Variants in SLC38A6 observed in about 807,000 individuals in gnomAD.
SLC38A6 encodes the protein N system amino acid transporter NAT-1.
A neutral mutation model predicts 65.0 loss-of-function variants in SLC38A6; 73 were observed. That is an observed-to-expected ratio of 1.12 (90% CI 0.93 to 1.37). SLC38A6 has a LOEUF of 1.37. Ranked by LOEUF, SLC38A6 falls within the 40% of genes most tolerant of loss-of-function variation. The probability of loss-of-function intolerance (pLI) is 0.00; values close to 1 mark genes in which losing one functional copy is unlikely to be tolerated. For missense variants in SLC38A6, 561 were observed against 531.1 expected, an observed-to-expected ratio of 1.06 and a Z score of -0.55; for synonymous variants, 183 against 178.8, an observed-to-expected ratio of 1.02 and a Z score of -0.19.
chr14:61,004,322 A>G (rs2038925177), intron 3 of SLC38A6: 2 of 152,250 alleles, frequency 1.3e-5, no homozygotes, highest in Admixed American at 6.5e-5. Context: ...TACCTTGATG[A>G]CTTGCTCACT....
chr14:61,038,491 C>T (rs1468837666), intron 8 of SLC38A6, among the ~76,000 whole-genome samples: 1 of 152,018 alleles, frequency 6.6e-6, no homozygotes, highest in East Asian at 1.9e-4. Context: ...ATATACATGT[C>T]CAAATGAGCT....
At chr14:60,984,066 G>A (rs914016121) in intron 2 of SLC38A6, among the ~76,000 whole-genome samples, 1 of 152,124 alleles carries the variant, frequency 6.6e-6, no homozygotes, top group African/African-American at 2.4e-5. Flanking sequence ...TCCTGCTGGT[G>A]TCTTCCTAAA....
chr14:61,005,622 G>C (rs542455221), intron 3 of SLC38A6, among the ~76,000 whole-genome samples: 19 of 152,182 alleles, frequency 1.2e-4, no homozygotes, highest in Admixed American at 3.3e-4. Context: ...ATCCAACTTA[G>C]AAGGGATGTG....
At position 60,981,699 on chromosome 14, in the gene SLC38A6, T is replaced by A. The variant is rs535771574; in HGVS notation, c.105+317T>A. ...ATGTACTCACTGCTGTTAGTTAGTATTTTTGTCACCTTATTTTCTCCACCA... is the reference window on the plus strand; with the variant it reads ...ATGTACTCACTGCTGTTAGTTAGTAATTTTGTCACCTTATTTTCTCCACCA... On this transcript the variant is annotated intron_variant, in intron 1 of 15. Coordinates refer to ENST00000267488, the MANE Select transcript of SLC38A6 (RefSeq NM_153811.3). 4 of 1,345,684 alleles carry A rather than the reference T, an allele frequency of 3.0e-6. No individual in the cohort carries two copies. In the South Asian group the frequency reaches 4.9e-5, roughly 17 times the overall value. 83.4% of individuals were successfully genotyped at this position (1,345,684 alleles called of 1,614,324 possible).
chr14:61,067,872 C>T (rs1172966423), intron 15 of SLC38A6, among the ~76,000 whole-genome samples: 2 of 152,016 alleles, frequency 1.3e-5, no homozygotes, highest in South Asian at 2.1e-4. Flanking sequence ...GTCACCATTC[C>T]CGCTTTTGTG....
intron 3 of SLC38A6, among the ~76,000 whole-genome samples, chr14:61,007,985 C>T (rs2039277378): frequency 6.6e-6 from 1 of 151,986 alleles, no homozygotes; most frequent in African/African-American, 2.4e-5. Context: ...GTTGACATTT[C>T]ACATAGTTGG....
intron 15 of SLC38A6, among the ~76,000 whole-genome samples, chr14:61,066,800 A>G (rs2043032639): frequency 6.6e-6 from 1 of 152,174 alleles, no homozygotes; most frequent in Non-Finnish European, 1.5e-5. Context: ...CTGTTAGTGA[A>G]CCCGTGCAGT....
intron 15 of SLC38A6, among the ~76,000 whole-genome samples, chr14:61,062,385 G>C (rs1048241662): frequency 6.6e-6 from 1 of 151,942 alleles, no homozygotes. Context: ...GTGGTATCTC[G>C]TTGTTTTAGT....
At chr14:61,005,715 C>T (rs1345942276) in intron 3 of SLC38A6, among the ~76,000 whole-genome samples, 1 of 152,210 alleles carries the variant, frequency 6.6e-6, no homozygotes, top group African/African-American at 2.4e-5. Context: ...ATTCCATGCT[C>T]ATGGGTAGGA....
At chr14:60,994,239 T>C (rs1453913894) in intron 3 of SLC38A6, among the ~76,000 whole-genome samples, 1 of 152,238 alleles carries the variant, frequency 6.6e-6, no homozygotes, top group Non-Finnish European at 1.5e-5. Flanking sequence ...CAATGGGATA[T>C]TATTCAGCAC....
In SLC38A6 at chr14:61,037,587, C is replaced by T. The variant is rs959229674; in HGVS notation, c.566-38C>T. 2.1e-6 allele frequency: 3 copies of T among 1,438,738 alleles called. No homozygotes were observed. The African/African-American group carries it at 4.3e-5, about 20-fold the overall frequency. The allele number at this position is 1,438,738 out of a possible 1,614,324, so 89.1% of individuals were successfully genotyped here. A position where few individuals can be genotyped will look rare whatever the true frequency, so the allele number is the denominator to read the frequency against. ...TTTAGTTGTACGTTAAAATCGCTTTCCTTATAAATTGCTTTTTATTTTACT... is the reference window on the plus strand; with the variant it reads ...TTTAGTTGTACGTTAAAATCGCTTTTCTTATAAATTGCTTTTTATTTTACT... On this transcript the variant is annotated intron_variant, in intron 7 of 15. Coordinates refer to ENST00000267488, the MANE Select transcript of SLC38A6 (RefSeq NM_153811.3).
At chr14:60,995,751 A>T (rs750462697) in intron 3 of SLC38A6, among the ~76,000 whole-genome samples, 1 of 152,204 alleles carries the variant, frequency 6.6e-6, no homozygotes, top group Non-Finnish European at 1.5e-5. Flanking sequence ...TACACCTTAA[A>T]TGTATATAAT....
chr14:61,061,994 C>T (rs917341846), intron 15 of SLC38A6, among the ~76,000 whole-genome samples: 5 of 152,050 alleles, frequency 3.3e-5, no homozygotes, highest in Middle Eastern at 3.2e-3. Flanking sequence ...CCCACCACTA[C>T]GCCTGGCTAA....
intron 3 of SLC38A6, among the ~76,000 whole-genome samples, chr14:60,997,430 A>G (rs1413703271): frequency 1.3e-5 from 2 of 152,052 alleles, no homozygotes; most frequent in East Asian, 3.9e-4. Context: ...GGGATTATAG[A>G]TGTGAGCCAC....
At chr14:61,009,605 C>T (rs1214895780) in intron 3 of SLC38A6, among the ~76,000 whole-genome samples, 1 of 150,418 alleles carries the variant, frequency 6.6e-6, no homozygotes, top group Non-Finnish European at 1.5e-5. Context: ...TTGTTCAACT[C>T]CCACCTATGA....
chr14:61,034,386 C>T (rs142090396), intron 6 of SLC38A6: 2 of 152,066 alleles, frequency 1.3e-5, no homozygotes, highest in East Asian at 1.9e-4. Context: ...GGTAAGAACA[C>T]TTGACATGAA....
At chr14:61,065,314 C>G (rs1000921538) in intron 15 of SLC38A6, among the ~76,000 whole-genome samples, 10 of 152,156 alleles carry the variant, frequency 6.6e-5, no homozygotes, top group African/African-American at 2.2e-4. Flanking sequence ...GTGTTTCTTC[C>G]TACCACAGCA....
intron 15 of SLC38A6, among the ~76,000 whole-genome samples, chr14:61,067,150 C>T (rs1008784791): frequency 2.6e-5 from 4 of 152,072 alleles, no homozygotes; most frequent in Non-Finnish European, 4.4e-5. Flanking sequence ...TACCTGTGTT[C>T]GAATCCCAGC....
chr14:61,066,006 T>A (rs755141868), intron 15 of SLC38A6, among the ~76,000 whole-genome samples: 17 of 152,204 alleles, frequency 1.1e-4, no homozygotes, highest in Non-Finnish European at 2.1e-4. Flanking sequence ...TTTTGGCATG[T>A]TAACAGCTCT....
Sources: allele counts gnomAD v4.1 joint callset (sites outside exome capture counted in the v4.1 genomes callset), GRCh38; gene constraint gnomAD v4.1.1; transcripts MANE v1.5; gene names NCBI Gene and HGNC (gene_info 2026-07-23, HGNC 2026-07-21).